BRF1: variants seen among roughly 807,000 people sequenced by gnomAD.
BRF1 encodes the protein transcription factor IIIB 90 kDa subunit.
A neutral mutation model predicts 81.7 loss-of-function variants in BRF1; 59 were observed. The ratio of observed to expected loss-of-function variants is 0.72; its 90% CI spans 0.59 to 0.90. The LOEUF is 0.90. Among genes scored for constraint, BRF1 ranks in the 40% least tolerant of loss-of-function variants. BRF1 has a pLI of 0.00. For synonymous variants in BRF1, 491 were observed against 395.6 expected, an observed-to-expected ratio of 1.24 and a Z score of -2.86; for missense variants, 1,050 against 936.3, an observed-to-expected ratio of 1.12 and a Z score of -1.58.
At chr14:105,249,286 C>A in intron 5 of BRF1, 1 of 1,561,902 alleles carries the variant, frequency 6.4e-7, no homozygotes, top group Non-Finnish European at 8.7e-7. Flanking sequence ...CGTGCCCCGT[C>A]CGCCCCGTCC....
At chr14:105,229,411 G>A (rs1039921956) in intron 6 of BRF1, among the ~76,000 whole-genome samples, 2 of 152,242 alleles carry the variant, frequency 1.3e-5, no homozygotes, top group African/African-American at 2.4e-5. Context: ...TGCAGCGCAG[G>A]GATGCCGGTA....
In BRF1 at chr14:105,209,646, C is replaced by A; in HGVS notation, c.*905G>T. The A allele has an allele frequency of 1.5e-6, 1 of 687,568 alleles. No individual in the cohort carries two copies. Among genetic ancestry groups the A allele is most frequent in the Middle Eastern group, 2.5e-4 (1 of 4,006 alleles). The allele number at this position is 687,568 out of a possible 1,614,324, so 42.6% of individuals were successfully genotyped here. Reference sequence around the variant, plus strand: ...TCTCGGGCCTCCGTCTGCCCTCCCTCCTCGATGGGGGGCCTGATCCAGCTC... The same window carrying A: ...TCTCGGGCCTCCGTCTGCCCTCCCTACTCGATGGGGGGCCTGATCCAGCTC... On this transcript the variant is annotated 3_prime_UTR_variant, in exon 18 of 18. Transcript: ENST00000547530.
In BRF1 at chr14:105,226,093, C is replaced by A; in HGVS notation, c.1024G>T (p.Gly342Cys). 6.2e-7 allele frequency: 1 copy of A among 1,613,868 alleles called. No individual in the cohort carries two copies. The highest frequency in any genetic ancestry group is 8.5e-7 in the Non-Finnish European group (1 of 1,179,996). Residue 342 changes from glycine (G) to cysteine (C), a missense_variant, in exon 10 of 18, where the codon GGC becomes TGC. By Grantham distance (159) the Gly-to-Cys change is radical. Coordinates refer to ENST00000547530, the MANE Select transcript of BRF1 (RefSeq NM_001519.4). Reference protein sequence around the residue: ...LENSRPKAKGGLASLAKDGST... With the variant: ...LENSRPKAKGCLASLAKDGST... ...CCATCTTTTGCCAGGCTGGCCAGGCCCCCCTTGGCCTTTGGCCGGCTGTTT... is the reference window on the plus strand; with the variant it reads ...CCATCTTTTGCCAGGCTGGCCAGGCACCCCTTGGCCTTTGGCCGGCTGTTT...
intron 16 of BRF1, 136 bp downstream of exon 16, chr14:105,211,975 CAG>C: frequency 7.6e-7 from 1 of 1,312,912 alleles, no homozygotes; most frequent in Non-Finnish European, 1.1e-6. Context: ...CTGGCCATGC[CAG>C]GCAAGTATGG....
chr14:105,304,749 A>AAG (rs1395445103), upstream of BRF1, among the ~76,000 whole-genome samples: 1 of 152,246 alleles, frequency 6.6e-6, no homozygotes, highest in African/African-American at 2.4e-5. Flanking sequence ...ATCATGGAGG[A>AAG]AGGCAAGGAG....
intron 5 of BRF1, chr14:105,248,364 C>G: frequency 1.0e-6 from 1 of 985,496 alleles, no homozygotes; most frequent in Non-Finnish European, 1.2e-6. Context: ...CATGGCACTG[C>G]GGGTCTGGGG....
intron 5 of BRF1, chr14:105,248,339 G>A (rs2055268465): frequency 2.0e-6 from 2 of 985,470 alleles, no homozygotes; most frequent in Middle Eastern, 5.2e-4. Context: ...TGAAGAACGG[G>A]CGCAAGCACC....
intron 5 of BRF1, among the ~76,000 whole-genome samples, chr14:105,251,797 C>T (rs587647738): frequency 2.6e-5 from 4 of 151,976 alleles, no homozygotes; most frequent in East Asian, 1.9e-4. Context: ...TCAGAACCAT[C>T]GGGCAGTGAG....
intron 5 of BRF1, among the ~76,000 whole-genome samples, chr14:105,245,845 C>T (rs2055056851): frequency 6.6e-6 from 1 of 152,176 alleles, no homozygotes; most frequent in Non-Finnish European, 1.5e-5. Flanking sequence ...GGAAAGACTT[C>T]ACGACATTGG....
At chr14:105,248,480 G>A (rs2055284630) in intron 5 of BRF1, 1 of 984,890 alleles carries the variant, frequency 1.0e-6, no homozygotes, top group Middle Eastern at 5.2e-4. Context: ...GAGGATGTCG[G>A]GCCTGGGGGC....
At chr14:105,302,182 C>A (rs1164167379), upstream of BRF1, among the ~76,000 whole-genome samples, 1 of 151,108 alleles carries the variant, frequency 6.6e-6, no homozygotes, top group African/African-American at 2.4e-5. Context: ...ATGCGGAAGA[C>A]CCCACCCTCT....
intron 10 of BRF1, 72 bp from the exon 11 acceptor site, chr14:105,221,986 C>T (rs1229142712): frequency 7.4e-6 from 11 of 1,486,792 alleles, no homozygotes; most frequent in Non-Finnish European, 9.8e-6. Flanking sequence ...AAAAACAATG[C>T]TACCAAGCTG....
At chr14:105,299,128 G>A (rs1219808552) in intron 1 of BRF1, among the ~76,000 whole-genome samples, 1 of 152,094 alleles carries the variant, frequency 6.6e-6, no homozygotes, top group Non-Finnish European at 1.5e-5. Context: ...AGCCGAGATC[G>A]AGCCACTGCA....
chr14:105,241,005 G>T (rs1480731867), intron 6 of BRF1, among the ~76,000 whole-genome samples: 1 of 152,218 alleles, frequency 6.6e-6, no homozygotes, highest in Non-Finnish European at 1.5e-5. Flanking sequence ...CACCCCAGAA[G>T]TAGGCAACCT....
intron 6 of BRF1, 77 bp from the exon 7 acceptor site, chr14:105,228,990 T>G: frequency 7.5e-7 from 1 of 1,327,360 alleles, no homozygotes; most frequent in Non-Finnish European, 1.1e-6. Context: ...AGGACAACAC[T>G]GCGGATCCCG....
chr14:105,221,790 G>T lies in BRF1; in HGVS notation c.1173C>A (p.Gly391=), dbSNP rs746071789. 12 of 1,611,894 alleles carry T rather than the reference G, an allele frequency of 7.4e-6. No homozygotes were observed. The highest frequency in any genetic ancestry group is 9.3e-6 in the Non-Finnish European group (11 of 1,179,740). Residue 391 remains glycine (G), a synonymous_variant, in exon 11 of 18, where the codon GGC becomes GGA. Coordinates refer to ENST00000547530, the MANE Select transcript of BRF1 (RefSeq NM_001519.4). ...CGGGGCTTCCTGCTGCTTCCGAGCT[G>T]CCGGGGGCACCACCAAGGAGCTCCC... The part of the protein sequence containing the change: ...LYRELLGGAP[G]SSEAAGSPEW...
At chr14:105,300,009 C>A (rs1352286509) in intron 1 of BRF1, among the ~76,000 whole-genome samples, 1 of 152,248 alleles carries the variant, frequency 6.6e-6, no homozygotes, top group African/African-American at 2.4e-5. Flanking sequence ...ATCACTGAAA[C>A]GTCCCCTCCG....
At position 105,286,344 on chromosome 14, in the gene BRF1, A is replaced by T. The variant is rs968751056; in HGVS notation, c.217T>A (p.Phe73Ile). 4.3e-6 allele frequency: 7 copies of T among 1,613,674 alleles called. No individual in the cohort carries two copies. The highest frequency in any genetic ancestry group is 5.9e-6 in the Non-Finnish European group (7 of 1,179,914). Residue 73 changes from phenylalanine (F) to isoleucine (I), a missense_variant, in exon 2 of 18, where the codon TTC becomes ATC. Phe to Ile is a conservative substitution (Grantham distance 21). This residue lies in a region of BRF1 where 1,043 missense variants were observed against 915.4 expected (regional missense o/e 1.14). Transcript: ENST00000547530. ...AGKTPTLGGG[F>I]HVNLGKESRA... is the part of the protein sequence containing the mutation. ...GACTCCTTCCCCAGATTCACGTGGA[A>T]GCCGCCACCCAGAGTCGGGGTTTTG... is the stretch of plus-strand genomic sequence containing the variant.
chr14:105,293,898 T>C (rs1295170516), intron 1 of BRF1, among the ~76,000 whole-genome samples: 1 of 152,150 alleles, frequency 6.6e-6, no homozygotes, highest in Non-Finnish European at 1.5e-5. Flanking sequence ...AGTTCTCAAT[T>C]AATAGGCAAA....
Sources: allele counts gnomAD v4.1 joint callset (sites outside exome capture counted in the v4.1 genomes callset), GRCh38; gene constraint gnomAD v4.1.1; regional missense constraint gnomAD v4.1.1; transcripts MANE v1.5; gene names NCBI Gene and HGNC (gene_info 2026-07-23, HGNC 2026-07-21).